The following GPATCH2 variants were observed in gnomAD, a reference collection of about 807,000 sequenced individuals.
GPATCH2 encodes G-patch domain containing 2.
GPATCH2 carries 51 observed loss-of-function variants against 58.0 expected under a neutral mutation model. That is an observed-to-expected ratio of 0.88 (90% CI 0.70 to 1.11). GPATCH2 has a LOEUF of 1.11. GPATCH2 is among the 50% of genes most tolerant of loss of function. The pLI, the probability that GPATCH2 is intolerant of heterozygous loss-of-function variation, is 0.00. For missense variants in GPATCH2, 625 were observed against 652.2 expected (o/e 0.96, Z 0.45); for synonymous variants, 222 against 218.5 (o/e 1.02, Z -0.14).
intron 5 of GPATCH2, among the ~76,000 whole-genome samples, chr1:217,536,147 A>G (rs1664449695): frequency 6.6e-6 from 1 of 152,170 alleles, no homozygotes; most frequent in Non-Finnish European, 1.5e-5. Flanking sequence ...GGAGTCATCT[A>G]TTAATGACTA....
intron 5 of GPATCH2, among the ~76,000 whole-genome samples, chr1:217,601,924 T>C (rs1408546537): frequency 2.6e-5 from 4 of 152,180 alleles, no homozygotes; most frequent in Non-Finnish European, 4.4e-5. Flanking sequence ...CAGTATCTGA[T>C]ACTGGTATTA....
chr1:217,529,823 T>C (rs1664101324), intron 5 of GPATCH2, among the ~76,000 whole-genome samples: 1 of 152,046 alleles, frequency 6.6e-6, no homozygotes, highest in Non-Finnish European at 1.5e-5. Context: ...AAGAGTTAAC[T>C]TTTTGCTCTC....
Position 217,631,024 on chromosome 1 carries a change from A to G in GPATCH2, c.-53T>C, listed in dbSNP as rs1571689505. The stretch of plus-strand genomic sequence containing the variant: ...AGCTCAGGCCCGTGAACAGACTCCA[A>G]CTACAACAGCACCGGCGACTTCCAA... On this transcript the variant is annotated 5_prime_UTR_variant, in exon 1 of 10. Transcript: ENST00000366935. 3 of 1,497,464 alleles carry G rather than the reference A, an allele frequency of 2.0e-6. No homozygotes were observed. Among genetic ancestry groups the G allele is most frequent in the East Asian group, 4.8e-5 (2 of 41,734 alleles). 92.8% of individuals were successfully genotyped at this position (1,497,464 alleles called of 1,614,324 possible).
At chr1:217,443,847 A>G (rs2102543244) in intron 9 of GPATCH2, among the ~76,000 whole-genome samples, 1 of 152,316 alleles carries the variant, frequency 6.6e-6, no homozygotes, top group African/African-American at 2.4e-5. Context: ...TTCATAATAA[A>G]ATAATCTCAA....
chr1:217,525,747 A>G (rs1663871422), intron 5 of GPATCH2, among the ~76,000 whole-genome samples: 1 of 152,166 alleles, frequency 6.6e-6, no homozygotes, highest in Non-Finnish European at 1.5e-5. Context: ...TCAGAGGGCA[A>G]TACGGTAGTG....
intron 5 of GPATCH2, among the ~76,000 whole-genome samples, chr1:217,551,823 C>G (rs1665376839): frequency 6.6e-6 from 1 of 152,086 alleles, no homozygotes; most frequent in African/African-American, 2.4e-5. Flanking sequence ...GGTTATGGAA[C>G]TTGTATAAGG....
intron 8 of GPATCH2, among the ~76,000 whole-genome samples, chr1:217,468,796 T>A (rs573324959): frequency 6.6e-6 from 1 of 152,200 alleles, no homozygotes; most frequent in Non-Finnish European, 1.5e-5. Flanking sequence ...ACTGATGTAT[T>A]TCAGTGGGGA....
chr1:217,455,954 T>G (rs1390802150), intron 8 of GPATCH2, among the ~76,000 whole-genome samples: 1 of 151,810 alleles, frequency 6.6e-6, no homozygotes, highest in Admixed American at 6.5e-5. Context: ...TGGCTGGGGA[T>G]AGTCAGAGAG....
chr1:217,484,287 T>C (rs1210374587), intron 8 of GPATCH2, among the ~76,000 whole-genome samples: 1 of 152,132 alleles, frequency 6.6e-6, no homozygotes, highest in East Asian at 1.9e-4. Context: ...GAGGTACCTC[T>C]TCCTACCTGA....
intron 8 of GPATCH2, among the ~76,000 whole-genome samples, chr1:217,467,851 G>A (rs1179608341): frequency 6.6e-6 from 1 of 152,078 alleles, no homozygotes; most frequent in African/African-American, 2.4e-5. Flanking sequence ...AGCCAGAAAA[G>A]GTCCAAGAAA....
intron 8 of GPATCH2, among the ~76,000 whole-genome samples, chr1:217,483,334 G>A (rs942320907): frequency 3.3e-5 from 5 of 151,890 alleles, no homozygotes; most frequent in Admixed American, 1.3e-4. Context: ...ATAGGCATGC[G>A]CCACCATGCC....
chr1:217,514,734 A>G (rs1663036386), intron 6 of GPATCH2, 88 bp downstream of exon 6: 2 of 605,218 alleles, frequency 3.3e-6, no homozygotes, highest in East Asian at 5.5e-5. Flanking sequence ...TACAAATTAA[A>G]TAAGCTTTAC....
chr1:217,472,094 A>C (rs915234305), intron 8 of GPATCH2, among the ~76,000 whole-genome samples: 2 of 152,150 alleles, frequency 1.3e-5, no homozygotes, highest in Admixed American at 6.6e-5. Flanking sequence ...CCTCCTTCAA[A>C]AAAACGGTGC....
intron 3 of GPATCH2, among the ~76,000 whole-genome samples, chr1:217,611,551 C>A (rs761803171): frequency 6.6e-6 from 1 of 152,034 alleles, no homozygotes; most frequent in East Asian, 1.9e-4. Flanking sequence ...ACCCCTTCCA[C>A]GTTAAGAAAA....
At chr1:217,572,988 T>G (rs1371759583) in intron 5 of GPATCH2, among the ~76,000 whole-genome samples, 1 of 152,216 alleles carries the variant, frequency 6.6e-6, no homozygotes, top group Non-Finnish European at 1.5e-5. Flanking sequence ...AAAATCCAGA[T>G]GTCCTGCAAT....
At chr1:217,523,673 T>C (rs1663606053) in intron 5 of GPATCH2, among the ~76,000 whole-genome samples, 1 of 151,572 alleles carries the variant, frequency 6.6e-6, no homozygotes, top group Admixed American at 6.6e-5. Context: ...TGGCCCATTC[T>C]CAATGAGCTG....
intron 5 of GPATCH2, among the ~76,000 whole-genome samples, chr1:217,547,554 T>C (rs1665126204): frequency 6.6e-6 from 1 of 152,118 alleles, no homozygotes; most frequent in Non-Finnish European, 1.5e-5. Flanking sequence ...GTCATTCTAT[T>C]ATAAAGACAC....
chr1:217,572,650 G>A (rs1666622848), intron 5 of GPATCH2, among the ~76,000 whole-genome samples: 1 of 152,122 alleles, frequency 6.6e-6, no homozygotes, highest in Non-Finnish European at 1.5e-5. Flanking sequence ...TCAATCACAG[G>A]TATTCCTGAT....
intron 5 of GPATCH2, among the ~76,000 whole-genome samples, chr1:217,560,558 T>C (rs1430822794): frequency 6.6e-6 from 1 of 152,240 alleles, no homozygotes; most frequent in Non-Finnish European, 1.5e-5. Flanking sequence ...GCCTTAAGGT[T>C]ATCAAATAAA....
Sources: gnomAD v4.1 joint callset for allele counts (sites outside exome capture counted in the v4.1 genomes callset) on GRCh38, gnomAD v4.1.1 for gene constraint, MANE v1.5 for transcripts, NCBI Gene and HGNC (gene_info 2026-07-23, HGNC 2026-07-21) for gene names.